Variants in TENM1 observed in about 807,000 individuals in gnomAD.
TENM1 encodes the protein teneurin-1.
A neutral mutation model predicts 174.8 loss-of-function variants in TENM1; 35 were observed. That is an observed-to-expected ratio of 0.20 (90% CI 0.15 to 0.27). The LOEUF (loss-of-function observed/expected upper bound fraction) is 0.27, where lower values mean the gene tolerates loss of function less well. TENM1 is among the 10% of genes least tolerant of loss of function. TENM1 has a pLI of 1.00. For synonymous variants in TENM1, 781 were observed against 798.7 expected (o/e 0.98, Z 0.37); for missense variants, 1,633 against 2,130.1 (o/e 0.77, Z 4.59).
At chrX:124,885,603 C>T (rs2057370410) in intron 3 of TENM1, among the ~76,000 whole-genome samples, 2 of 110,122 alleles carry the variant, frequency 1.8e-5, no homozygotes, top group Admixed American at 9.7e-5. Flanking sequence ...ACATGATGCA[C>T]GGAAAGAAAA....
the TENM1 span, among the ~76,000 whole-genome samples, chrX:125,117,323 T>C: frequency 1.8e-5 from 2 of 110,145 alleles, no homozygotes; most frequent in Non-Finnish European, 3.8e-5. Context: ...AGTGACAGAC[T>C]GGATAAAGAA....
At chrX:124,523,879 T>TG (rs2047912445) in intron 16 of TENM1, among the ~76,000 whole-genome samples, 1 of 105,427 alleles carries the variant, frequency 9.5e-6, no homozygotes, top group Admixed American at 1.0e-4. Flanking sequence ...ACCAATTTTT[T>TG]TTTTTTTTTT....
intron 11 of TENM1, among the ~76,000 whole-genome samples, chrX:124,580,718 A>G (rs372385802): frequency 9.0e-6 from 1 of 111,323 alleles, no homozygotes; most frequent in South Asian, 3.8e-4. Context: ...TTATTTCATT[A>G]AAAAGTTTTT....
chrX:124,831,559 T>G, intron 3 of TENM1, among the ~76,000 whole-genome samples: 1 of 112,241 alleles, frequency 8.9e-6, no homozygotes, highest in Admixed American at 9.5e-5. Flanking sequence ...TATTAAGGCA[T>G]GATGAAGAAG....
rs751595498 is a variant in TENM1 at position 124,502,764 on chromosome X, C to T, written c.3445+796G>A. On this transcript the variant is annotated intron_variant, in intron 19 of 31. Coordinates refer to ENST00000422452, the Ensembl canonical transcript of TENM1. ...CAATAGACTCATTCACCTTCAGAGT[C>T]CCACACTGGGACTATAGTAGGCGGT... Among the ~76,000 whole-genome samples the T allele has an allele frequency of 4.5e-5, 5 of 112,141 alleles. No individual in the cohort carries two copies. The South Asian group carries it at 1.9e-3, about 42-fold the overall frequency.
intron 3 of TENM1, among the ~76,000 whole-genome samples, chrX:124,807,385 C>G (rs1235793539): frequency 9.0e-6 from 1 of 111,702 alleles, no homozygotes; most frequent in Non-Finnish European, 1.9e-5. Context: ...AAAGACTTTA[C>G]CAGACAAATT....
the TENM1 span, among the ~76,000 whole-genome samples, chrX:124,974,306 A>G: frequency 9.0e-6 from 1 of 111,668 alleles, no homozygotes. Flanking sequence ...TAAGTTTCCA[A>G]CACATAAACT....
chrX:124,682,719 A>AT (rs1308286605), intron 5 of TENM1, among the ~76,000 whole-genome samples: 2 of 111,238 alleles, frequency 1.8e-5, no homozygotes, highest in Non-Finnish European at 3.8e-5. Flanking sequence ...CTCCAAAAGC[A>AT]TACTGCCAGT....
At position 124,886,522 on chromosome X, in the gene TENM1, CATATATAT is replaced by C. The variant is rs3056632; in HGVS notation, c.535+7766_535+7773del. On this transcript the variant is annotated intron_variant, in intron 3 of 31. Coordinates refer to ENST00000422452, the Ensembl canonical transcript of TENM1. ...ATAGTACTGCTAGCAAAAACATATA[CATATATAT>C]ATATATATATATATATATAGAGAGA... is the stretch of plus-strand genomic sequence containing the variant. 1.7e-3 allele frequency among the ~76,000 whole-genome samples: 128 copies of C among 74,919 alleles called. 2 individuals are homozygous for C. The highest frequency in any genetic ancestry group is 6.1e-3 in the African/African-American group (120 of 19,804). The allele number at this position is 74,919 out of a possible 115,157, so 65.1% of individuals were successfully genotyped here.
At chrX:125,095,453 A>G in the TENM1 span, among the ~76,000 whole-genome samples, 1 of 111,909 alleles carries the variant, frequency 8.9e-6, no homozygotes, top group African/African-American at 3.2e-5. Context: ...ATTAATTAAC[A>G]ATAAGCCACC....
At chrX:125,194,863 C>T in the TENM1 span, among the ~76,000 whole-genome samples, 1 of 111,739 alleles carries the variant, frequency 8.9e-6, no homozygotes, top group African/African-American at 3.3e-5. Flanking sequence ...TAAAAAACAT[C>T]CTAGACACTC....
chrX:124,959,195 C>G (rs1027596956), intron 1 of TENM1, among the ~76,000 whole-genome samples: 3 of 111,008 alleles, frequency 2.7e-5, no homozygotes, highest in Non-Finnish European at 5.7e-5. Context: ...AAAGAGGATT[C>G]CAGATCTTAC....
chrX:124,431,056 C>G (rs1275310663), intron 23 of TENM1, among the ~76,000 whole-genome samples: 1 of 111,879 alleles, frequency 8.9e-6, no homozygotes, highest in Non-Finnish European at 1.9e-5. Context: ...TTGCTGACTT[C>G]ATTTCCTTCA....
intron 3 of TENM1, among the ~76,000 whole-genome samples, chrX:124,872,870 T>C (rs1285368819): frequency 9.0e-6 from 1 of 111,526 alleles, no homozygotes; most frequent in African/African-American, 3.3e-5. Flanking sequence ...CCTCTATACA[T>C]GGGGCTGTAA....
At chrX:125,060,864 C>T in the TENM1 span, among the ~76,000 whole-genome samples, 4 of 111,074 alleles carry the variant, frequency 3.6e-5, no homozygotes, top group East Asian at 1.1e-3. Context: ...TTGAATAGGT[C>T]TGAGTCAATT....
intron 4 of TENM1, among the ~76,000 whole-genome samples, chrX:124,706,286 T>C (rs1207932315): frequency 2.7e-5 from 3 of 112,282 alleles, no homozygotes; most frequent in Non-Finnish European, 5.6e-5. Context: ...TATTATTAGC[T>C]AGTTTGATAG....
At chrX:124,740,376 C>T (rs2053772009) in intron 3 of TENM1, among the ~76,000 whole-genome samples, 1 of 111,629 alleles carries the variant, frequency 9.0e-6, no homozygotes, top group South Asian at 3.8e-4. Context: ...ACAATCTTTG[C>T]AACTCTATTA....
chrX:124,579,389 G>GT (rs2049247437), intron 11 of TENM1, among the ~76,000 whole-genome samples: 1 of 189 alleles, frequency 5.3e-3, no homozygotes, highest in Non-Finnish European at 0.01. Flanking sequence ...TTCTTTTCAT[G>GT]CTTTGGGGCT....
Position 124,817,472 on chromosome X carries a change from C to T in TENM1, c.535+76824G>A, listed in dbSNP as rs1332103258. On this transcript the variant is annotated intron_variant, in intron 3 of 31. Transcript: ENST00000422452. ...ATATATTTTTAAGTTGCCTTCAGAC[C>T]CTATATCCTGGGATTCTCACAGTAG... Among the ~76,000 whole-genome samples the T allele has an allele frequency of 4.5e-5, 5 of 111,522 alleles. No individual in the cohort carries two copies. In the Admixed American group the frequency reaches 4.8e-4, roughly 11 times the overall value.
Sources: gnomAD v4.1 joint callset for allele counts (sites outside exome capture counted in the v4.1 genomes callset) on GRCh38, gnomAD v4.1.1 for gene constraint, MANE v1.5 for transcripts, NCBI Gene and HGNC (gene_info 2026-07-23, HGNC 2026-07-21) for gene names.